Variants in PCDHGB2 observed in about 807,000 individuals in gnomAD.
PCDHGB2 encodes the protein protocadherin gamma subfamily B, 2.
Under a neutral mutation model 59.3 loss-of-function variants are expected in PCDHGB2, and 55 were observed. The observed-to-expected ratio is 0.93, with a 90% CI of 0.75 to 1.16. PCDHGB2 has a LOEUF of 1.16. Among genes scored for constraint, PCDHGB2 ranks in the 50% most tolerant of loss-of-function variants. The pLI, the probability that PCDHGB2 is intolerant of heterozygous loss-of-function variation, is 0.00. For synonymous variants in PCDHGB2, 516 were observed against 512.0 expected, an observed-to-expected ratio of 1.01 and a Z score of -0.11; for missense variants, 1,228 against 1,198.5, an observed-to-expected ratio of 1.02 and a Z score of -0.36.
chr5:141,431,858 G>T lies in PCDHGB2; in HGVS notation c.2422-62949G>T, dbSNP rs1421209596. On this transcript the variant is annotated intron_variant, in intron 1 of 3. Coordinates refer to ENST00000522605, the MANE Select transcript of PCDHGB2 (RefSeq NM_018923.3). This position sits in a 1 kb window ranked among gnomAD's most constrained non-coding sequence, Gnocchi z 4.8. ...AAACTCTCCCAGAGGGACATTAATTGCCCTTTTAAATGTAAATGACCAAGA... is the reference window on the plus strand; with the variant it reads ...AAACTCTCCCAGAGGGACATTAATTTCCCTTTTAAATGTAAATGACCAAGA... 6.8e-6 allele frequency: 11 copies of T among 1,614,080 alleles called. No homozygotes were observed. The highest frequency in any genetic ancestry group is 8.5e-6 in the Non-Finnish European group (10 of 1,180,028).
chr5:141,469,855 G>T (rs1272105046), intron 1 of PCDHGB2, among the ~76,000 whole-genome samples: 4 of 152,186 alleles, frequency 2.6e-5, no homozygotes, highest in Non-Finnish European at 4.4e-5. Flanking sequence ...TTCAGACCGG[G>T]TGCAATGGCT....
chr5:141,399,665 A>T, intron 1 of PCDHGB2: 14 of 1,613,648 alleles, frequency 8.7e-6, no homozygotes, highest in Non-Finnish European at 1.2e-5. Flanking sequence ...GTGTTCGCGC[A>T]GCGCGCCTTT....
At chr5:141,372,991 G>T (rs758452366) in intron 1 of PCDHGB2, among the ~76,000 whole-genome samples, 6 of 152,158 alleles carry the variant, frequency 3.9e-5, no homozygotes, top group Admixed American at 2.0e-4. Context: ...TGTTGCAGTT[G>T]TTCTTTCATA....
intron 1 of PCDHGB2, among the ~76,000 whole-genome samples, chr5:141,474,075 C>T (rs2099339724): frequency 6.6e-6 from 1 of 151,902 alleles, no homozygotes; most frequent in African/African-American, 2.4e-5. Flanking sequence ...GCCTCAGAAA[C>T]AAAAACCAAA....
intron 1 of PCDHGB2, chr5:141,383,599 G>A: frequency 1.9e-6 from 3 of 1,613,742 alleles, no homozygotes; most frequent in Non-Finnish European, 2.5e-6. Context: ...GACAGTGGTG[G>A]ATGTGAATGA....
intron 1 of PCDHGB2, chr5:141,374,470 T>C (rs1171171112): frequency 6.2e-7 from 1 of 1,612,516 alleles, no homozygotes; most frequent in Admixed American, 1.7e-5. Context: ...TTAATGACAA[T>C]ACACCCCGAT....
At chr5:141,383,709 C>T in intron 1 of PCDHGB2, 1 of 1,613,896 alleles carries the variant, frequency 6.2e-7, no homozygotes, top group Non-Finnish European at 8.5e-7. Context: ...TCGACCTGGA[C>T]GAGGGAGTCA....
In PCDHGB2 at chr5:141,485,669, T is replaced by G. The variant is rs754363407; in HGVS notation, c.2422-9138T>G. ...TCAGGATGCAGATGTGGGGAGCAATTCGATTAGCAGCTATAGGCTGAGCTC... is the reference window on the plus strand; with the variant it reads ...TCAGGATGCAGATGTGGGGAGCAATGCGATTAGCAGCTATAGGCTGAGCTC... On this transcript the variant is annotated intron_variant, in intron 1 of 3. Transcript: ENST00000522605. The surrounding 1 kb of genome is among the most constrained non-coding windows in gnomAD (Gnocchi z 5.7). 1.9e-6 allele frequency: 3 copies of G among 1,612,788 alleles called. 1 individual carries two copies. Among genetic ancestry groups the G allele is most frequent in the Admixed American group, 1.7e-5 (1 of 59,980 alleles).
rs118021618 is a variant in PCDHGB2, at chr5:141,382,926, C to T, written c.2421+20370C>T. On this transcript the variant is annotated intron_variant, in intron 1 of 3. Transcript: ENST00000522605. ...TGGCGGCTCAGCCGAGGGGCGGGGA[C>T]TACAGAGGATTCTTCCTGCTCTCCA... 1,227 of 1,577,740 alleles carry T rather than the reference C, an allele frequency of 7.8e-4. 19 individuals carry two copies. The East Asian group carries it at 0.025, about 33-fold the overall frequency.
At chr5:141,365,959 C>A in intron 1 of PCDHGB2, 1 of 1,614,262 alleles carries the variant, frequency 6.2e-7, no homozygotes, top group Non-Finnish European at 8.5e-7. Context: ...CTCCACTTAG[C>A]AGCAACGTGT....
rs572457971 is a variant in PCDHGB2, at chr5:141,426,319, C to T, written c.2421+63763C>T. The T allele has an allele frequency of 1.5e-3, 257 of 175,598 alleles. 1 individual carries two copies. Among genetic ancestry groups the T allele is most frequent in the Non-Finnish European group, 1.2e-3 (99 of 79,820 alleles). 10.9% of individuals were successfully genotyped at this position (175,598 alleles called of 1,614,324 possible). ...CAGGGTGAAGCAGAGAAGCAGGACC[C>T]GGCAGTGGCAAGCACTCTTCCCTTT... is the stretch of plus-strand genomic sequence containing the variant. On this transcript the variant is annotated intron_variant, in intron 1 of 3. Coordinates refer to ENST00000522605, the MANE Select transcript of PCDHGB2 (RefSeq NM_018923.3).
intron 1 of PCDHGB2, chr5:141,408,674 A>T (rs1005052894): frequency 3.1e-6 from 5 of 1,614,000 alleles, no homozygotes; most frequent in Non-Finnish European, 4.2e-6. Flanking sequence ...TGACCCTGCC[A>T]CGGATCCTGA....
chr5:141,366,143 T>C, intron 1 of PCDHGB2: 1 of 1,614,160 alleles, frequency 6.2e-7, no homozygotes. Flanking sequence ...CGCCTGGCTG[T>C]CCTACCGCCT....
chr5:141,385,672 C>A, intron 1 of PCDHGB2: 2 of 389,948 alleles, frequency 5.1e-6, no homozygotes, highest in Non-Finnish European at 7.4e-6. Flanking sequence ...ATAAAACACA[C>A]CTCAGCTGTC....
At chr5:141,441,779 C>T in intron 1 of PCDHGB2, 2 of 390,030 alleles carry the variant, frequency 5.1e-6, no homozygotes, top group South Asian at 2.0e-5. Context: ...TGGTGGACGA[C>T]CTGAATGACA....
At chr5:141,393,183 A>T in intron 1 of PCDHGB2, 1 of 1,613,370 alleles carries the variant, frequency 6.2e-7, no homozygotes, top group Non-Finnish European at 8.5e-7. Context: ...AATAGAAATA[A>T]TTGATATTAA....
At chr5:141,441,855 G>A in intron 1 of PCDHGB2, 3 of 351,872 alleles carry the variant, frequency 8.5e-6, no homozygotes, top group Admixed American at 4.0e-5. Flanking sequence ...ATATGGTGCT[G>A]CACGCCGCGG....
rs889945954 is a variant in PCDHGB2, at chr5:141,489,368, C to A, written c.2422-5439C>A. The A allele has an allele frequency of 2.5e-6, 4 of 1,613,384 alleles. No homozygotes were observed. Among genetic ancestry groups the A allele is most frequent in the Non-Finnish European group, 3.4e-6 (4 of 1,179,478 alleles). On this transcript the variant is annotated intron_variant, in intron 1 of 3. Coordinates refer to ENST00000522605, the MANE Select transcript of PCDHGB2 (RefSeq NM_018923.3). The surrounding 1 kb of genome is among the most constrained non-coding windows in gnomAD (Gnocchi z 4.5). ...GTGGTGGAGGAGTCTGAGCCGGGGA[C>A]GCTGGTGGGGAATGTTGCTCAGGAT...
intron 1 of PCDHGB2, chr5:141,389,575 C>T: frequency 1.2e-6 from 2 of 1,613,242 alleles, no homozygotes; most frequent in African/African-American, 1.3e-5. Context: ...CTGTACCCCG[C>T]GCTGGGTCCC....
Sources: gnomAD v4.1 joint callset for allele counts (sites outside exome capture counted in the v4.1 genomes callset) on GRCh38, gnomAD v4.1.1 for gene constraint, Gnocchi (gnomAD v3.1) non-coding constraint, MANE v1.5 for transcripts, NCBI Gene and HGNC (gene_info 2026-07-23, HGNC 2026-07-21) for gene names.